Variants in C5AR2 observed in about 807,000 individuals in gnomAD.
C5AR2 encodes complement C5a receptor 2.
For synonymous variants in C5AR2, 224 were observed against 216.5 expected (o/e 1.03, Z -0.30); for missense variants, 458 against 467.5 (o/e 0.98, Z 0.19).
chr19:47,336,178 C>T (rs539372207), intron 1 of C5AR2, among the ~76,000 whole-genome samples: 2 of 152,032 alleles, frequency 1.3e-5, no homozygotes, highest in South Asian at 4.2e-4. Context: ...CAACCTCTGC[C>T]TCCCGGGTTC....
rs777535147 is a variant in C5AR2, at chr19:47,341,744, G to A, written c.945G>A (p.Gln315=). The A allele has an allele frequency of 1.4e-5, 22 of 1,613,646 alleles. No homozygotes were observed. In the East Asian group the frequency reaches 4.9e-4, roughly 36 times the overall value. Residue 315 remains glutamine, a synonymous_variant, in exon 2 of 2, where the codon CAG becomes CAA. Coordinates refer to ENST00000595464, the MANE Select transcript of C5AR2 (RefSeq NM_001271749.2). This position sits in a 1 kb window ranked among gnomAD's most constrained non-coding sequence, Gnocchi z 4.6. The part of the protein sequence containing the change: ...AACHWALRES[Q]GQDESVDSKK... ...GTCACTGGGCCCTGAGGGAGTCCCA[G>A]GGCCAGGACGAAAGTGTGGACAGCA...
rs1450615579 is a variant in C5AR2 at position 47,345,227 on chromosome 19, G to T, written c.*3414G>T. On this transcript the variant is annotated 3_prime_UTR_variant, in exon 2 of 2. Transcript: ENST00000595464. The stretch of plus-strand genomic sequence containing the variant: ...TATAAGAGAACCTTTAATCCTAAGG[G>T]TTGTAGAGGGAGGAAGATACAACTT... 6.6e-6 allele frequency: 1 copy of T among 152,294 alleles called. No individual in the cohort carries two copies. The highest frequency in any genetic ancestry group is 1.5e-5 in the Non-Finnish European group (1 of 68,134). 9.4% of individuals were successfully genotyped at this position (152,294 alleles called of 1,614,324 possible).
intron 1 of C5AR2, among the ~76,000 whole-genome samples, chr19:47,332,740 G>A (rs1431849888): frequency 6.6e-6 from 1 of 152,024 alleles, no homozygotes; most frequent in Non-Finnish European, 1.5e-5. Flanking sequence ...TTTTAGTAGA[G>A]ATGGGGTTTC....
intron 1 of C5AR2, among the ~76,000 whole-genome samples, chr19:47,336,185 G>A (rs1400904782): frequency 6.6e-6 from 1 of 152,030 alleles, no homozygotes; most frequent in East Asian, 1.9e-4. Context: ...TGCCTCCCGG[G>A]TTCCAGCGAT....
rs753225792 is a variant in C5AR2, at chr19:47,341,053, T to C, written c.254T>C (p.Leu85Ser). ...HLAVADLLCC[L>S]SLPILAVPIA... Reference sequence around the variant, plus strand: ...GCCGTGGCGGATTTGCTGTGCTGTTTGTCTCTGCCCATCCTGGCAGTGCCC... The same window carrying C: ...GCCGTGGCGGATTTGCTGTGCTGTTCGTCTCTGCCCATCCTGGCAGTGCCC... The change falls in exon 2 of 2, where the codon TTG becomes TCG. Residue 85 changes from leucine (L) to serine (S), a missense_variant. Transcript: ENST00000595464. This position sits in a 1 kb window ranked among gnomAD's most constrained non-coding sequence, Gnocchi z 4.6. 2 of 1,606,588 alleles carry C rather than the reference T, an allele frequency of 1.2e-6. No individual in the cohort carries two copies. The highest frequency in any genetic ancestry group is 3.3e-5 in the Admixed American group (2 of 60,022).
chr19:47,338,628 G>A (rs534779772), intron 1 of C5AR2, among the ~76,000 whole-genome samples: 15 of 144,946 alleles, frequency 1.0e-4, no homozygotes, highest in Middle Eastern at 3.7e-3. Context: ...ACCAGCATGG[G>A]CAACATGGTG....
Position 47,342,381 on chromosome 19 carries a change from ATT to A in C5AR2, c.*570_*571del, listed in dbSNP as rs1212993800. ...AAAAAATAAATAAATAAAAGATTCT[ATT>A]TATTTATTTATTTTTTTGAGATGGA... On this transcript the variant is annotated 3_prime_UTR_variant, in exon 2 of 2. Coordinates refer to ENST00000595464, the MANE Select transcript of C5AR2 (RefSeq NM_001271749.2). 2.7e-5 allele frequency: 4 copies of A among 146,976 alleles called. No individual in the cohort carries two copies. Among genetic ancestry groups the A allele is most frequent in the African/African-American group, 9.8e-5 (4 of 40,722 alleles). 9.1% of individuals were successfully genotyped at this position (146,976 alleles called of 1,614,324 possible). A position where few individuals can be genotyped will look rare whatever the true frequency, so the allele number is the denominator to read the frequency against.
chr19:47,339,053 C>T (rs2059371428), intron 1 of C5AR2, among the ~76,000 whole-genome samples: 1 of 151,478 alleles, frequency 6.6e-6, no homozygotes, highest in African/African-American at 2.4e-5. Context: ...ACTTGGGAGG[C>T]TGAGGCAGGA....
intron 1 of C5AR2, chr19:47,337,026 C>T (rs1215436294): frequency 8.3e-6 from 1 of 120,042 alleles, no homozygotes; most frequent in Non-Finnish European, 1.6e-5. Context: ...CAGAGAGCCT[C>T]AGGGCCAGGT....
At chr19:47,339,872 A>G (rs1206764120) in intron 1 of C5AR2, among the ~76,000 whole-genome samples, 1 of 152,154 alleles carries the variant, frequency 6.6e-6, no homozygotes, top group African/African-American at 2.4e-5. Flanking sequence ...CAACATAGCC[A>G]GCTTCCCTGT....
intron 1 of C5AR2, among the ~76,000 whole-genome samples, chr19:47,334,515 C>A (rs2059350257): frequency 6.6e-6 from 1 of 150,870 alleles, no homozygotes; most frequent in Non-Finnish European, 1.5e-5. Context: ...CACCCGTAGT[C>A]CCAGCTACTC....
At chr19:47,334,090 T>A (rs2059348818) in intron 1 of C5AR2, among the ~76,000 whole-genome samples, 1 of 152,144 alleles carries the variant, frequency 6.6e-6, no homozygotes, top group Non-Finnish European at 1.5e-5. Context: ...GTGTGCCAGG[T>A]TCTGTCCCAG....
In C5AR2 at chr19:47,341,069, G is replaced by A. The variant is rs770657292; in HGVS notation, c.270G>A (p.Leu90=). Residue 90 remains leucine, a synonymous_variant, in exon 2 of 2, where the codon CTG becomes CTA. Coordinates refer to ENST00000595464, the MANE Select transcript of C5AR2 (RefSeq NM_001271749.2). The surrounding 1 kb of genome is among the most constrained non-coding windows in gnomAD (Gnocchi z 4.6). The part of the protein sequence containing the change: ...DLLCCLSLPI[L]AVPIARGGHW... ...TGTGCTGTTTGTCTCTGCCCATCCT[G>A]GCAGTGCCCATTGCCCGTGGAGGCC... 9 of 1,605,960 alleles carry A rather than the reference G, an allele frequency of 5.6e-6. No homozygotes were observed. The highest frequency in any genetic ancestry group is 6.8e-6 in the Non-Finnish European group (8 of 1,179,928).
chr19:47,337,537 C>A (rs1422851103), intron 1 of C5AR2, among the ~76,000 whole-genome samples: 1 of 152,008 alleles, frequency 6.6e-6, no homozygotes, highest in Non-Finnish European at 1.5e-5. Flanking sequence ...TGGCGGGTGC[C>A]TGTAGTCCCA....
Position 47,339,694 on chromosome 19 carries a change from CT to C in C5AR2, c.-15-1089del, listed in dbSNP as rs2059374760. Among the ~76,000 whole-genome samples, 3 of 152,204 alleles carry C rather than the reference CT, an allele frequency of 2.0e-5. No homozygotes were observed. In the South Asian group the frequency reaches 6.2e-4, roughly 31 times the overall value. ...CAGCCACACTGGGCTCCTTGCTGTT[CT>C]TGGACATGACCGTCATGTTCCCACC... On this transcript the variant is annotated intron_variant, in intron 1 of 1. Transcript: ENST00000595464.
At position 47,341,542 on chromosome 19, in the gene C5AR2, C is replaced by A. The variant is rs757594257; in HGVS notation, c.743C>A (p.Pro248His). The stretch of plus-strand genomic sequence containing the variant: ...GTGGGGTTTTTTGTCTGCTGGGCAC[C>A]CTACCACCTGCTGGGGCTGGTGCTC... ...IVVGFFVCWA[P>H]YHLLGLVLTV... The change falls in exon 2 of 2, where the codon CCC becomes CAC. Residue 248 changes from proline to histidine, a missense_variant. Transcript: ENST00000595464. The surrounding 1 kb of genome is among the most constrained non-coding windows in gnomAD (Gnocchi z 4.6). 6.2e-7 allele frequency: 1 copy of A among 1,612,926 alleles called. No homozygotes were observed. The highest frequency in any genetic ancestry group is 8.5e-7 in the Non-Finnish European group (1 of 1,179,740).
chr19:47,333,313 G>A (rs1410870211), intron 1 of C5AR2, among the ~76,000 whole-genome samples: 2 of 152,036 alleles, frequency 1.3e-5, no homozygotes, highest in Non-Finnish European at 2.9e-5. Flanking sequence ...CCCCCTCAAT[G>A]TTCTATCACA....
chr19:47,338,446 T>TAA (rs11316034), intron 1 of C5AR2, among the ~76,000 whole-genome samples: 3 of 144,718 alleles, frequency 2.1e-5, no homozygotes. Context: ...TATCTGTCCC[T>TAA]AAAAAAAAAA....
chr19:47,332,829 C>T lies in C5AR2; in HGVS notation c.-16+480C>T, dbSNP rs897665323. Reference sequence around the variant, plus strand: ...TTGGCCTCCCAAAGTGCTGGGATTACAGGCGTGAGCCACTGTGCCCTGCCC... The same window carrying T: ...TTGGCCTCCCAAAGTGCTGGGATTATAGGCGTGAGCCACTGTGCCCTGCCC... On this transcript the variant is annotated intron_variant, in intron 1 of 1. Transcript: ENST00000595464. 3.0e-4 allele frequency among the ~76,000 whole-genome samples: 46 copies of T among 152,050 alleles called. 1 individual carries two copies. The highest frequency in any genetic ancestry group is 1.1e-3 in the African/African-American group (46 of 41,392).
Sources: allele counts gnomAD v4.1 joint callset (sites outside exome capture counted in the v4.1 genomes callset), GRCh38; gene constraint gnomAD v4.1.1; non-coding constraint Gnocchi (gnomAD v3.1); transcripts MANE v1.5; gene names NCBI Gene and HGNC (gene_info 2026-07-23, HGNC 2026-07-21).